The following ASAH1 variants were observed in gnomAD, a reference collection of about 807,000 sequenced individuals.
ASAH1 encodes acid ceramidase.
ASAH1 carries 70 observed loss-of-function variants against 59.5 expected under a neutral mutation model. The observed-to-expected ratio is 1.18, with a 90% confidence interval of 0.97 to 1.43. The LOEUF is 1.43. Among genes scored for constraint, ASAH1 ranks in the 40% most tolerant of loss-of-function variants. ASAH1 has a pLI of 0.00. For synonymous variants in ASAH1, 213 were observed against 166.5 expected (o/e 1.28, Z -2.15); for missense variants, 660 against 482.5 (o/e 1.37, Z -3.45).
chr8:18,065,505 G>A (rs1035847484), intron 5 of ASAH1: 2 of 152,004 alleles, frequency 1.3e-5, no homozygotes, highest in African/African-American at 4.8e-5. Flanking sequence ...CTACTGCTTT[G>A]CTAGCTTAAA....
rs1588979120 is a variant in ASAH1 at position 18,062,570 on chromosome 8, T to A, written c.504-147A>T. The A allele has an allele frequency of 4.7e-6, 4 of 851,830 alleles. No homozygotes were observed. The East Asian group carries it at 1.0e-4, about 22-fold the overall frequency. The allele number at this position is 851,830 out of a possible 1,614,324, so 52.8% of individuals were successfully genotyped here. A position where few individuals can be genotyped will look rare whatever the true frequency, so the allele number is the denominator to read the frequency against. ...CAAGACCTTTACAATATGGTATATT[T>A]ATTCTGTTTTCCAAATGATAAAATT... On this transcript the variant is annotated intron_variant, in intron 7 of 13. Coordinates refer to ENST00000637790, the MANE Select transcript of ASAH1 (RefSeq NM_177924.5).
intron 1 of ASAH1, chr8:18,076,766 C>T (rs1041999050): frequency 2.0e-5 from 3 of 152,218 alleles, no homozygotes; most frequent in Non-Finnish European, 4.4e-5. Context: ...AGCTTGAGCA[C>T]AGAAAATGTA....
chr8:18,075,691 A>G, intron 1 of ASAH1, 104 bp from the exon 2 acceptor site: 6 of 1,057,728 alleles, frequency 5.7e-6, no homozygotes, highest in Non-Finnish European at 8.8e-6. Flanking sequence ...CAAGTCTGAT[A>G]TTGCTCTTTT....
At chr8:18,064,248 T>G (rs769348754) in intron 6 of ASAH1, 41 of 585,890 alleles carry the variant, frequency 7.0e-5, no homozygotes, top group Non-Finnish European at 1.1e-4. Context: ...TTTGCATGTC[T>G]GAAATCAACT....
intron 6 of ASAH1, chr8:18,063,999 C>G (rs1799821747): frequency 8.9e-6 from 2 of 224,060 alleles, no homozygotes; most frequent in African/African-American, 2.3e-5. Flanking sequence ...GTGCTTTGTA[C>G]TCTGGGAACC....
rs764992207 is a variant in ASAH1 at position 18,075,604 on chromosome 8, A to G, written c.79-17T>C. 1.2e-6 allele frequency: 2 copies of G among 1,613,858 alleles called. No homozygotes were observed. Among genetic ancestry groups the G allele is most frequent in the Admixed American group, 3.3e-5 (2 of 60,024 alleles). Reference sequence around the variant, plus strand: ...CTCTGTCCACTGAAAAGCAAAGAAAATTAAGTTTCAGAAAATAACAAATGC... The same window carrying G: ...CTCTGTCCACTGAAAAGCAAAGAAAGTTAAGTTTCAGAAAATAACAAATGC... On this transcript the variant is annotated splice_polypyrimidine_tract_variant and intron_variant, in intron 1 of 13. Coordinates refer to ENST00000637790, the MANE Select transcript of ASAH1 (RefSeq NM_177924.5).
chr8:18,063,365 G>T (rs901682179), intron 6 of ASAH1, 135 bp from the exon 7 acceptor site: 2 of 801,480 alleles, frequency 2.5e-6, no homozygotes, highest in Admixed American at 1.8e-5. Context: ...GTGCAGTGGT[G>T]CGATCTCAGC....
intron 7 of ASAH1, chr8:18,062,866 TTC>T (rs1207057397): frequency 4.5e-5 from 13 of 289,978 alleles, no homozygotes; most frequent in Non-Finnish European, 4.3e-5. Flanking sequence ...CAGTTCTGTG[TTC>T]TTTTTTTTTT....
At chr8:18,062,042 C>A in intron 8 of ASAH1, 1 of 632,756 alleles carries the variant, frequency 1.6e-6, no homozygotes, top group Non-Finnish European at 2.7e-6. Flanking sequence ...ATTGTGACTC[C>A]CAGCCCTTGA....
In ASAH1 at chr8:18,056,327, C is replaced by T. The variant is rs1311552698; in HGVS notation, c.*1207G>A. The T allele has an allele frequency of 2.0e-5, 3 of 152,152 alleles. No homozygotes were observed. The highest frequency in any genetic ancestry group is 2.0e-4 in the Admixed American group (3 of 15,264). 9.4% of individuals were successfully genotyped at this position (152,152 alleles called of 1,614,324 possible). A position where few individuals can be genotyped will look rare whatever the true frequency, so the allele number is the denominator to read the frequency against. On this transcript the variant is annotated 3_prime_UTR_variant, in exon 14 of 14. Transcript: ENST00000637790. ...CCGTTTAGTCATATTTAATAACCCA[C>T]TTACATAACCCTTGTTATTTAATTC...
intron 1 of ASAH1, among the ~76,000 whole-genome samples, chr8:18,078,683 C>T (rs1324321629): frequency 6.6e-6 from 1 of 152,066 alleles, no homozygotes; most frequent in Non-Finnish European, 1.5e-5. Context: ...CCTTACTATC[C>T]CCAAGTTTAT....
At chr8:18,061,194 G>T in intron 10 of ASAH1, 183 bp downstream of exon 10, 1 of 522,080 alleles carries the variant, frequency 1.9e-6, no homozygotes, top group Middle Eastern at 5.4e-4. Flanking sequence ...TCATTTATTT[G>T]CTATAAAACA....
intron 3 of ASAH1, among the ~76,000 whole-genome samples, chr8:18,070,744 G>T (rs1197630941): frequency 6.6e-6 from 1 of 152,206 alleles, no homozygotes; most frequent in Non-Finnish European, 1.5e-5. Flanking sequence ...CTTTTCCTCT[G>T]CTGTCACTTA....
chr8:18,062,133 A>T, intron 8 of ASAH1, 146 bp downstream of exon 8: 1 of 1,077,260 alleles, frequency 9.3e-7, no homozygotes, highest in Non-Finnish European at 1.4e-6. Flanking sequence ...ACGAGATCTC[A>T]TACCTATGAA....
intron 12 of ASAH1, 185 bp from the exon 13 acceptor site, chr8:18,059,076 C>T: frequency 1.6e-6 from 1 of 610,312 alleles, no homozygotes; most frequent in South Asian, 2.0e-5. Flanking sequence ...TTACTTTCCT[C>T]TCTCTCCTTC....
In ASAH1 at chr8:18,062,418, T is replaced by C. The variant is rs1801526675; in HGVS notation, c.509A>G (p.Asn170Ser). The C allele has an allele frequency of 6.2e-7, 1 of 1,614,026 alleles. No homozygotes were observed. Among genetic ancestry groups the C allele is most frequent in the African/African-American group, 1.3e-5 (1 of 74,940 alleles). ...NMDFGVFLGWNINNDTWVITE... is the reference protein window; with the variant it reads ...NMDFGVFLGWSINNDTWVITE... ...TATGACCCAGGTATCATTATTTATG[T>C]TCCACCTATAAAAGACATGTTTCAG... The change falls in exon 8 of 14, where the codon AAC becomes AGC. Residue 170 changes from asparagine to serine, a missense_variant. By Grantham distance (46) the Asn-to-Ser change is conservative (BLOSUM62 1). Transcript: ENST00000637790.
At chr8:18,078,142 G>A (rs949074663) in intron 1 of ASAH1, among the ~76,000 whole-genome samples, 5 of 152,056 alleles carry the variant, frequency 3.3e-5, no homozygotes, top group African/African-American at 7.2e-5. Flanking sequence ...GAATCAACTC[G>A]GCAAATTAAG....
rs184908516 is a variant in ASAH1, at chr8:18,067,296, A to G, written c.306T>C (p.Pro102=). Residue 102 remains proline, a splice_region_variant and synonymous_variant, in exon 5 of 14, where the codon CCT becomes CCC. Coordinates refer to ENST00000637790, the MANE Select transcript of ASAH1 (RefSeq NM_177924.5). ...GGCCAGGAAAGTTGCCAAGTAGGCC[A>G]GGCTGGAAAACAAATATATTAATAA... The part of the protein sequence containing the change: ...KIMQVVDEKL[P]GLLGNFPGPF... The G allele has an allele frequency of 6.3e-7, 1 of 1,588,208 alleles. No homozygotes were observed. Among genetic ancestry groups the G allele is most frequent in the African/African-American group, 1.3e-5 (1 of 74,662 alleles).
At position 18,056,588 on chromosome 8, in the gene ASAH1, A is replaced by C. The variant is rs1799479357; in HGVS notation, c.*946T>G. On this transcript the variant is annotated 3_prime_UTR_variant, in exon 14 of 14. Coordinates refer to ENST00000637790, the MANE Select transcript of ASAH1 (RefSeq NM_177924.5). ...GTTAGAAAGGTTAACAAGTTCTATT[A>C]GTACTTTTCATAAGCAGTTTGATTT... is the stretch of plus-strand genomic sequence containing the variant. 1 of 152,262 alleles carries C rather than the reference A, an allele frequency of 6.6e-6. No homozygotes were observed. The highest frequency in any genetic ancestry group is 1.5e-5 in the Non-Finnish European group (1 of 68,050). 9.4% of individuals were successfully genotyped at this position (152,262 alleles called of 1,614,324 possible). A position where few individuals can be genotyped will look rare whatever the true frequency, so the allele number is the denominator to read the frequency against.
Sources: gnomAD v4.1 joint callset for allele counts (sites outside exome capture counted in the v4.1 genomes callset) on GRCh38, gnomAD v4.1.1 for gene constraint, MANE v1.5 for transcripts, NCBI Gene and HGNC (gene_info 2026-07-23, HGNC 2026-07-21) for gene names.